The following LINGO2 variants were observed in gnomAD, a reference collection of about 807,000 sequenced individuals.
LINGO2 encodes the protein leucine-rich repeat and immunoglobulin-like domain-containing nogo receptor-interacting protein 2.
Under a neutral mutation model 30.6 loss-of-function variants are expected in LINGO2, and 14 were observed. The ratio of observed to expected loss-of-function variants is 0.46; its 90% CI spans 0.30 to 0.72. The LOEUF (loss-of-function observed/expected upper bound fraction) is 0.72. Ranked by LOEUF, LINGO2 falls within the 30% of genes least tolerant of loss-of-function variation. LINGO2 has a pLI of 0.07. For synonymous variants in LINGO2, 317 were observed against 288.5 expected (o/e 1.10, Z -1.00); for missense variants, 729 against 751.7 (o/e 0.97, Z 0.35).
At chr9:29,128,247 C>A in the LINGO2 span, among the ~76,000 whole-genome samples, 4 of 152,054 alleles carry the variant, frequency 2.6e-5, no homozygotes, top group African/African-American at 9.7e-5. Context: ...CAACTCCAGA[C>A]CTTAACATCT....
At chr9:28,988,871 G>A in the LINGO2 span, among the ~76,000 whole-genome samples, 2 of 152,158 alleles carry the variant, frequency 1.3e-5, no homozygotes, top group African/African-American at 4.8e-5. Context: ...TGCAGAACAT[G>A]CCAGTGTTTC....
At chr9:28,155,125 C>T (rs1242320794) in intron 4 of LINGO2, among the ~76,000 whole-genome samples, 1 of 152,196 alleles carries the variant, frequency 6.6e-6, no homozygotes, top group African/African-American at 2.4e-5. Flanking sequence ...AAGCAACTGG[C>T]ACATGGTGCT....
chr9:28,744,254 T>C, the LINGO2 span, among the ~76,000 whole-genome samples: 1 of 152,146 alleles, frequency 6.6e-6, no homozygotes, highest in South Asian at 2.1e-4. Flanking sequence ...CTTCCTTAAT[T>C]GTTTAAGCAT....
At chr9:28,780,694 C>T in the LINGO2 span, among the ~76,000 whole-genome samples, 1 of 152,194 alleles carries the variant, frequency 6.6e-6, no homozygotes, top group East Asian at 1.9e-4. Context: ...ATTAGATAAA[C>T]TGTGTACATT....
chr9:29,057,860 G>C, the LINGO2 span, among the ~76,000 whole-genome samples: 1 of 151,986 alleles, frequency 6.6e-6, no homozygotes, highest in South Asian at 2.1e-4. Flanking sequence ...TAAAATCCAG[G>C]GCATTCGGTA....
intron 5 of LINGO2, among the ~76,000 whole-genome samples, chr9:28,003,936 G>T (rs1822120805): frequency 6.6e-6 from 1 of 152,138 alleles, no homozygotes; most frequent in Admixed American, 6.5e-5. Flanking sequence ...CCAACACTAA[G>T]GAAATGCAAA....
At chr9:28,496,870 T>C (rs573143215) in intron 1 of LINGO2, among the ~76,000 whole-genome samples, 34 of 152,314 alleles carry the variant, frequency 2.2e-4, no homozygotes, top group Middle Eastern at 3.4e-3. Context: ...ACAAAATCTC[T>C]CAACATTTGC....
At chr9:28,142,658 C>T (rs969849913) in intron 4 of LINGO2, among the ~76,000 whole-genome samples, 1 of 152,166 alleles carries the variant, frequency 6.6e-6, no homozygotes, top group Non-Finnish European at 1.5e-5. Context: ...CTATCATTGA[C>T]TTAAGGAGAT....
At chr9:28,135,759 T>A (rs1172216064) in intron 4 of LINGO2, among the ~76,000 whole-genome samples, 1 of 152,106 alleles carries the variant, frequency 6.6e-6, no homozygotes, top group Non-Finnish European at 1.5e-5. Context: ...AGCTGATGAG[T>A]CTGAATGTAT....
chr9:28,165,497 T>C (rs946824241), intron 4 of LINGO2, among the ~76,000 whole-genome samples: 4 of 152,084 alleles, frequency 2.6e-5, no homozygotes, highest in African/African-American at 4.8e-5. Flanking sequence ...ACAGAAAAAA[T>C]TGTCCTCGTG....
intron 4 of LINGO2, among the ~76,000 whole-genome samples, chr9:28,153,440 C>T (rs184144989): frequency 6.6e-6 from 1 of 152,192 alleles, no homozygotes; most frequent in African/African-American, 2.4e-5. Flanking sequence ...ATTGCTGTAA[C>T]CCAGAGCCTA....
intron 4 of LINGO2, among the ~76,000 whole-genome samples, chr9:28,095,312 G>A (rs1007143388): frequency 3.9e-5 from 6 of 152,040 alleles, no homozygotes; most frequent in African/African-American, 9.7e-5. Context: ...GTCAGCAACC[G>A]CAGCACCAAT....
chr9:29,212,364 G>A, the LINGO2 span, among the ~76,000 whole-genome samples: 1 of 151,876 alleles, frequency 6.6e-6, no homozygotes, highest in Non-Finnish European at 1.5e-5. Context: ...AGCCTCTAGC[G>A]GAGGCGAAGG....
At chr9:29,198,099 A>G in the LINGO2 span, among the ~76,000 whole-genome samples, 1 of 152,172 alleles carries the variant, frequency 6.6e-6, no homozygotes, top group Non-Finnish European at 1.5e-5. Flanking sequence ...AATTCAATTT[A>G]TAAATGGCTT....
At chr9:28,756,522 G>A in the LINGO2 span, among the ~76,000 whole-genome samples, 1 of 151,948 alleles carries the variant, frequency 6.6e-6, no homozygotes, top group Non-Finnish European at 1.5e-5. Context: ...AAAAGGACAT[G>A]ATATTGGGGA....
At chr9:28,868,387 T>TAGTG in the LINGO2 span, among the ~76,000 whole-genome samples, 6 of 151,980 alleles carry the variant, frequency 3.9e-5, no homozygotes, top group African/African-American at 1.4e-4. Flanking sequence ...CTACATAGAA[T>TAGTG]AGTGAGTGAG....
chr9:27,951,445 T>G (rs1819306004), intron 5 of LINGO2, among the ~76,000 whole-genome samples: 1 of 152,162 alleles, frequency 6.6e-6, no homozygotes. Context: ...AAAATGCTCT[T>G]TTAAATGATT....
chr9:28,344,282 T>A (rs894940434), intron 3 of LINGO2, among the ~76,000 whole-genome samples: 3 of 152,086 alleles, frequency 2.0e-5, no homozygotes, highest in Non-Finnish European at 4.4e-5. Context: ...TCTCAGTAGT[T>A]CAAAAGATGG....
intron 4 of LINGO2, among the ~76,000 whole-genome samples, chr9:28,246,885 A>G (rs533475226): frequency 1.3e-5 from 2 of 152,324 alleles, no homozygotes; most frequent in Admixed American, 1.3e-4. Flanking sequence ...AGAATTTACA[A>G]GAAACTAAAA....
Sources: allele counts gnomAD v4.1 joint callset (sites outside exome capture counted in the v4.1 genomes callset), GRCh38; gene constraint gnomAD v4.1.1; transcripts MANE v1.5; gene names NCBI Gene and HGNC (gene_info 2026-07-23, HGNC 2026-07-21).